The following ADAT2 variants were observed in gnomAD, a reference collection of about 807,000 sequenced individuals.
ADAT2 encodes adenosine deaminase tRNA specific 2, also known as tRNA-specific adenosine-34 deaminase catalytic subunit ADAT2.
ADAT2 carries 26 observed loss-of-function variants against 25.9 expected under a neutral mutation model. That is an observed-to-expected ratio of 1.00 (90% confidence interval 0.74 to 1.39). The LOEUF is 1.39. Among genes scored for constraint, ADAT2 ranks in the 40% most tolerant of loss-of-function variants. The pLI, the probability that ADAT2 is intolerant of heterozygous loss-of-function variation, is 0.00. For synonymous variants in ADAT2, 76 were observed against 86.8 expected, an observed-to-expected ratio of 0.88 and a Z score of 0.69; for missense variants, 220 against 244.8, an observed-to-expected ratio of 0.90 and a Z score of 0.68.
intron 2 of ADAT2, among the ~76,000 whole-genome samples, chr6:143,435,876 G>C (rs1187693045): frequency 2.0e-5 from 3 of 152,042 alleles, no homozygotes; most frequent in African/African-American, 7.2e-5. Flanking sequence ...TGTTTGCAGA[G>C]GTATGTGTAC....
chr6:143,445,863 T>G (rs1182257035), intron 1 of ADAT2, among the ~76,000 whole-genome samples: 1 of 152,144 alleles, frequency 6.6e-6, no homozygotes, highest in Non-Finnish European at 1.5e-5. Context: ...CTTTTCGAAT[T>G]TCCCTCAGAG....
chr6:143,433,893 T>C lies in ADAT2; in HGVS notation c.290A>G (p.His97Arg), dbSNP rs772193672. The change falls in exon 3 of 6, where the codon CAC becomes CGC. Residue 97 changes from histidine to arginine, a missense_variant. His to Arg is a conservative substitution (Grantham distance 29, BLOSUM62 0). Coordinates refer to ENST00000237283, the MANE Select transcript of ADAT2 (RefSeq NM_182503.3). ...SGKSPSEVFE[H>R]TVLYVTVEPC... ...CTCCACAGTGACATACAACACAGTGTGTTCAAATACTTCAGAGGGACTCTT... is the reference window on the plus strand; with the variant it reads ...CTCCACAGTGACATACAACACAGTGCGTTCAAATACTTCAGAGGGACTCTT... The C allele has an allele frequency of 4.3e-6, 7 of 1,613,926 alleles. No homozygotes were observed. The East Asian group carries it at 1.6e-4, about 36-fold the overall frequency.
At position 143,432,467 on chromosome 6, in the gene ADAT2, A is replaced by C; in HGVS notation, c.459+38T>G. On this transcript the variant is annotated intron_variant, in intron 4 of 5. Transcript: ENST00000237283. The surrounding 1 kb of genome is among the most constrained non-coding windows in gnomAD (Gnocchi z 4.4). Reference sequence around the variant, plus strand: ...ACAAGCCCATAAAGAGATGAAAATAATTAGCAAGAAAGAAAAAGCATAAGC... The same window carrying C: ...ACAAGCCCATAAAGAGATGAAAATACTTAGCAAGAAAGAAAAAGCATAAGC... 1 of 1,562,222 alleles carries C rather than the reference A, an allele frequency of 6.4e-7. No individual in the cohort carries two copies. Among genetic ancestry groups the C allele is most frequent in the Non-Finnish European group, 8.8e-7 (1 of 1,133,052 alleles).
intron 1 of ADAT2, among the ~76,000 whole-genome samples, chr6:143,439,997 T>C (rs182835444): frequency 5.3e-5 from 8 of 152,260 alleles, no homozygotes; most frequent in Non-Finnish European, 1.5e-5. Context: ...CTCTGGGCCC[T>C]AGGAAAATTA....
At chr6:143,439,534 A>G (rs936100226) in intron 1 of ADAT2, among the ~76,000 whole-genome samples, 2 of 152,228 alleles carry the variant, frequency 1.3e-5, no homozygotes, top group African/African-American at 2.4e-5. Context: ...ATACTGTGAC[A>G]ACATGGATGA....
Position 143,437,911 on chromosome 6 carries a change from C to A in ADAT2, c.201+679G>T, listed in dbSNP as rs1779339028. On this transcript the variant is annotated intron_variant, in intron 2 of 5. Coordinates refer to ENST00000237283, the MANE Select transcript of ADAT2 (RefSeq NM_182503.3). This position sits in a 1 kb window ranked among gnomAD's most constrained non-coding sequence, Gnocchi z 4.1. The stretch of plus-strand genomic sequence containing the variant: ...TCCCAAGTATACTTATCATGACACA[C>A]TATTGTGATACCATGTTTAAGAAGC... Among the ~76,000 whole-genome samples the A allele has an allele frequency of 6.6e-6, 1 of 152,210 alleles. No individual in the cohort carries two copies. The highest frequency in any genetic ancestry group is 1.5e-5 in the Non-Finnish European group (1 of 68,032).
chr6:143,449,297 TTGCTTC>T (rs1779687272), intron 1 of ADAT2, among the ~76,000 whole-genome samples: 2 of 152,200 alleles, frequency 1.3e-5, no homozygotes, highest in Admixed American at 1.3e-4. Flanking sequence ...AGAGATCCTC[TTGCTTC>T]TGCCTTCCAA....
At chr6:143,450,041 C>CA (rs1473461478) in intron 1 of ADAT2, 1 of 152,672 alleles carries the variant, frequency 6.5e-6, no homozygotes, top group African/African-American at 2.4e-5. Context: ...CGCTAGCACA[C>CA]AGCATTCTGT....
At chr6:143,448,314 A>G (rs1779656010) in intron 1 of ADAT2, among the ~76,000 whole-genome samples, 2 of 152,168 alleles carry the variant, frequency 1.3e-5, no homozygotes. Context: ...TGACGAGTTA[A>G]TGGGTGCAGC....
rs1779732692 is a variant in ADAT2 at position 143,450,564 on chromosome 6, A to G, written c.95T>C (p.Met32Thr). ...GCATCTACCTCCCGGGCTCCTCACC[A>G]TGTGCATCGCCTCCTCCATCCACTT... The part of the protein sequence containing the change: ...TEKWMEEAMH[M>T]AKEALENTEV... Residue 32 changes from methionine (M) to threonine (T), a missense_variant and splice_region_variant, in exon 1 of 6, where the codon ATG becomes ACG. Physicochemically the swap from Met to Thr is moderately conservative, Grantham distance 81. Transcript: ENST00000237283. 1.9e-6 allele frequency: 3 copies of G among 1,613,936 alleles called. No homozygotes were observed. The South Asian group carries it at 3.3e-5, about 18-fold the overall frequency.
rs1047783764 is a variant in ADAT2 at position 143,444,780 on chromosome 6, T to C, written c.96+5783A>G. On this transcript the variant is annotated intron_variant, in intron 1 of 5. Coordinates refer to ENST00000237283, the MANE Select transcript of ADAT2 (RefSeq NM_182503.3). This position sits in a 1 kb window ranked among gnomAD's most constrained non-coding sequence, Gnocchi z 4.3. ...TTGTCCTTGAATATAATTTCTTTTT[T>C]TTCTCTAGTCAGGGCCTGCCCAGAT... 11 of 320,630 alleles carry C rather than the reference T, an allele frequency of 3.4e-5. No individual in the cohort carries two copies. Among genetic ancestry groups the C allele is most frequent in the African/African-American group, 6.7e-5 (3 of 44,726 alleles). The allele number at this position is 320,630 out of a possible 1,614,324, so 19.9% of individuals were successfully genotyped here.
In ADAT2 at chr6:143,442,538, T is replaced by A. The variant is rs541408068; in HGVS notation, c.97-3844A>T. On this transcript the variant is annotated intron_variant, in intron 1 of 5. Transcript: ENST00000237283. The surrounding 1 kb of genome is among the most constrained non-coding windows in gnomAD (Gnocchi z 4.6). ...ACAAATAAAACTGATGACATCTTAA[T>A]AAGCTCTGCAGTTTTCCCAATGCAT... 8.0e-5 allele frequency among the ~76,000 whole-genome samples: 12 copies of A among 150,640 alleles called. No homozygotes were observed. The East Asian group carries it at 2.1e-3, about 27-fold the overall frequency.
At chr6:143,431,259 A>G (rs1779108944) in intron 4 of ADAT2, among the ~76,000 whole-genome samples, 1 of 152,252 alleles carries the variant, frequency 6.6e-6, no homozygotes, top group Non-Finnish European at 1.5e-5. Flanking sequence ...ATCGACTACA[A>G]AGATGTGTGA....
chr6:143,430,431 G>A (rs1311728879), intron 4 of ADAT2, among the ~76,000 whole-genome samples: 2 of 152,154 alleles, frequency 1.3e-5, no homozygotes, highest in African/African-American at 2.4e-5. Flanking sequence ...CGGGCAGTCC[G>A]GGATGAGAAC....
At chr6:143,445,796 A>G (rs1279657485) in intron 1 of ADAT2, among the ~76,000 whole-genome samples, 1 of 152,184 alleles carries the variant, frequency 6.6e-6, no homozygotes, top group Non-Finnish European at 1.5e-5. Flanking sequence ...GGTCTAACAC[A>G]TAGCAAAAAC....
At position 143,428,740 on chromosome 6, in the gene ADAT2, T is replaced by C; in HGVS notation, c.460-56A>G. Reference sequence around the variant, plus strand: ...TAGGCCTATGAAAATGTGTGCTGTATCCCATAAAAACAACATATATATACA... The same window carrying C: ...TAGGCCTATGAAAATGTGTGCTGTACCCCATAAAAACAACATATATATACA... On this transcript the variant is annotated intron_variant, in intron 4 of 5. Transcript: ENST00000237283. This position sits in a 1 kb window ranked among gnomAD's most constrained non-coding sequence, Gnocchi z 5.0. 1 of 1,528,808 alleles carries C rather than the reference T, an allele frequency of 6.5e-7. No individual in the cohort carries two copies. Among genetic ancestry groups the C allele is most frequent in the Non-Finnish European group, 9.0e-7 (1 of 1,111,872 alleles). The allele number at this position is 1,528,808 out of a possible 1,614,324, so 94.7% of individuals were successfully genotyped here. A position where few individuals can be genotyped will look rare whatever the true frequency, so the allele number is the denominator to read the frequency against.
Position 143,427,406 on chromosome 6 carries a change from C to A in ADAT2, c.*1057G>T, listed in dbSNP as rs1778969387. 1 of 152,288 alleles carries A rather than the reference C, an allele frequency of 6.6e-6. No individual in the cohort carries two copies. Among genetic ancestry groups the A allele is most frequent in the African/African-American group, 2.4e-5 (1 of 41,446 alleles). The allele number at this position is 152,288 out of a possible 1,614,324, so 9.4% of individuals were successfully genotyped here. A position where few individuals can be genotyped will look rare whatever the true frequency, so the allele number is the denominator to read the frequency against. On this transcript the variant is annotated 3_prime_UTR_variant, in exon 6 of 6. Transcript: ENST00000237283. ...TGGAACGGCGAGGCCCCCTTCTGGG[C>A]AGAGGCACACAGTGCGCCCAGAGGG...
At position 143,425,351 on chromosome 6, in the gene ADAT2, C is replaced by CACA. The variant is rs1554277099; in HGVS notation, c.*3111_*3112insTGT. On this transcript the variant is annotated 3_prime_UTR_variant, in exon 6 of 6. Coordinates refer to ENST00000237283, the MANE Select transcript of ADAT2 (RefSeq NM_182503.3). ...GCAACATAGTGAGACCTTGTCTCTACAAAAAAAAAAAAAAAAAAAAATTAG... is the reference window on the plus strand; with the variant it reads ...GCAACATAGTGAGACCTTGTCTCTACACAAAAAAAAAAAAAAAAAAAAAATTAG... 2.2e-5 allele frequency: 2 copies of CACA among 92,214 alleles called. No individual in the cohort carries two copies. Among genetic ancestry groups the CACA allele is most frequent in the Non-Finnish European group, 4.3e-5 (2 of 46,090 alleles). 5.7% of individuals were successfully genotyped at this position (92,214 alleles called of 1,614,324 possible).
Position 143,428,397 on chromosome 6 carries a change from C to G in ADAT2, c.*66G>C. 1 of 1,520,962 alleles carries G rather than the reference C, an allele frequency of 6.6e-7. No homozygotes were observed. The highest frequency in any genetic ancestry group is 9.0e-7 in the Non-Finnish European group (1 of 1,108,670). 94.2% of individuals were successfully genotyped at this position (1,520,962 alleles called of 1,614,324 possible). The stretch of plus-strand genomic sequence containing the variant: ...TAAACATATGATTCAACGATGTCAA[C>G]AGCTTTCAGTCTATGAATCTTGTCC... On this transcript the variant is annotated 3_prime_UTR_variant, in exon 6 of 6. Transcript: ENST00000237283. The surrounding 1 kb of genome is among the most constrained non-coding windows in gnomAD (Gnocchi z 5.0).
Sources: allele counts gnomAD v4.1 joint callset (sites outside exome capture counted in the v4.1 genomes callset), GRCh38; gene constraint gnomAD v4.1.1; non-coding constraint Gnocchi (gnomAD v3.1); transcripts MANE v1.5; gene names NCBI Gene and HGNC (gene_info 2026-07-23, HGNC 2026-07-21).